Variants in RIPK2 observed in about 807,000 individuals in gnomAD.
RIPK2 encodes receptor interacting serine/threonine kinase 2, also known as receptor-interacting serine/threonine-protein kinase 2.
A neutral mutation model predicts 60.9 loss-of-function variants in RIPK2; 38 were observed. The ratio of observed to expected loss-of-function variants is 0.62; its 90% CI spans 0.48 to 0.82. The LOEUF is 0.82. RIPK2 is among the 40% of genes least tolerant of loss of function. RIPK2 has a pLI of 0.00. For synonymous variants in RIPK2, 225 were observed against 223.4 expected, an observed-to-expected ratio of 1.01 and a Z score of -0.06; for missense variants, 518 against 647.0, an observed-to-expected ratio of 0.80 and a Z score of 2.16.
At chr8:89,780,869 C>T (rs1809486959) in intron 7 of RIPK2, 1 of 151,358 alleles carries the variant, frequency 6.6e-6, no homozygotes, top group African/African-American at 2.4e-5. Flanking sequence ...ATATGAATTA[C>T]CTAGGAGAGT....
rs200964555 is a variant in RIPK2, at chr8:89,765,381, G to A, written c.368G>A (p.Arg123His). 12 of 1,608,680 alleles carry A rather than the reference G, an allele frequency of 7.5e-6. No individual in the cohort carries two copies. The African/African-American group carries it at 8.0e-5, about 11-fold the overall frequency. ...YPDVAWPLRFRILHEIALGVN... is the reference protein window; with the variant it reads ...YPDVAWPLRFHILHEIALGVN... ...GATGTTGCTTGGCCATTGAGATTTC[G>A]CATCCTGCATGAAATTGCCCTTGGT... Residue 123 changes from arginine to histidine, a missense_variant, in exon 3 of 11, where the codon CGC (arginine) becomes CAC (histidine). Physicochemically the swap from Arg to His is conservative, Grantham distance 29 (BLOSUM62 0). Around this residue, in one of 3 missense-constraint regions of RIPK2, gnomAD observed 448 missense variants for 534.7 expected, o/e 0.84. Transcript: ENST00000220751.
Position 89,786,598 on chromosome 8 carries a change from A to G in RIPK2, c.1035A>G (p.Ser345=). The G allele has an allele frequency of 6.4e-7, 1 of 1,551,978 alleles. No individual in the cohort carries two copies. Among genetic ancestry groups the G allele is most frequent in the Non-Finnish European group, 8.9e-7 (1 of 1,129,576 alleles). The change falls in exon 9 of 11, where the codon TCA becomes TCG. Residue 345 remains serine, a synonymous_variant. Coordinates refer to ENST00000220751, the MANE Select transcript of RIPK2 (RefSeq NM_003821.6). ...TTATTTTTTATTTACTTTAGGAATC[A>G]TGTGGATCCTCTCAGCTCCATGAAA... ...IPVNHGPQEE[S]CGSSQLHENS...
At chr8:89,763,941 T>C (rs1432537260) in intron 2 of RIPK2, among the ~76,000 whole-genome samples, 1 of 152,072 alleles carries the variant, frequency 6.6e-6, no homozygotes, top group Non-Finnish European at 1.5e-5. Context: ...TAAGTAGAAA[T>C]CTAACATTTT....
chr8:89,780,027 T>C (rs768713997), intron 6 of RIPK2, 48 bp from the exon 7 acceptor site: 1 of 908,512 alleles, frequency 1.1e-6, no homozygotes, highest in South Asian at 1.6e-5. Flanking sequence ...TTCACTTTAA[T>C]ACTTAGAAGC....
chr8:89,780,395 G>T, intron 7 of RIPK2: 2 of 256,922 alleles, frequency 7.8e-6, no homozygotes, highest in Non-Finnish European at 1.5e-5. Context: ...TCCAGGACCA[G>T]GCGTGGTGAC....
At chr8:89,789,755 G>T (rs1055747322) in intron 10 of RIPK2, among the ~76,000 whole-genome samples, 2 of 152,052 alleles carry the variant, frequency 1.3e-5, no homozygotes, top group African/African-American at 4.8e-5. Context: ...AAATTTGCAG[G>T]TATCTTTTAT....
At chr8:89,786,295 G>A (rs558216968) in intron 8 of RIPK2, among the ~76,000 whole-genome samples, 14 of 152,084 alleles carry the variant, frequency 9.2e-5, no homozygotes, top group African/African-American at 2.9e-4. Flanking sequence ...GCAACGTAGC[G>A]AAACCCCATT....
intron 2 of RIPK2, among the ~76,000 whole-genome samples, chr8:89,764,967 C>G (rs1204656837): frequency 6.6e-6 from 1 of 151,926 alleles, no homozygotes; most frequent in African/African-American, 2.4e-5. Context: ...TGTGTGTACT[C>G]AAATTACCTG....
At chr8:89,783,907 TTA>T in intron 7 of RIPK2, 141 bp from the exon 8 acceptor site, 1 of 471,594 alleles carries the variant, frequency 2.1e-6, no homozygotes, top group Non-Finnish European at 3.7e-6. Flanking sequence ...TTTCCTTCAG[TTA>T]TATGTTATAT....
In RIPK2 at chr8:89,757,901, C is replaced by T. The variant is rs1809070490; in HGVS notation, c.-160C>T. 3 of 1,383,124 alleles carry T rather than the reference C, an allele frequency of 2.2e-6. No homozygotes were observed. Among genetic ancestry groups the T allele is most frequent in the East Asian group, 2.9e-5 (1 of 34,766 alleles). The allele number at this position is 1,383,124 out of a possible 1,614,324, so 85.7% of individuals were successfully genotyped here. On this transcript the variant is annotated 5_prime_UTR_variant, in exon 1 of 11. Transcript: ENST00000220751. ...GAAGCAGCGGCTGGCGTGGGCCATCCGGGGAATGGGCGCCCTCGTGACCTA... is the reference window on the plus strand; with the variant it reads ...GAAGCAGCGGCTGGCGTGGGCCATCTGGGGAATGGGCGCCCTCGTGACCTA...
At chr8:89,771,022 A>T (rs748410716) in intron 4 of RIPK2, among the ~76,000 whole-genome samples, 1 of 151,886 alleles carries the variant, frequency 6.6e-6, no homozygotes. Flanking sequence ...GTTTGATTCT[A>T]TAAAAATGGG....
intron 1 of RIPK2, among the ~76,000 whole-genome samples, chr8:89,761,376 A>AT (rs79648986): frequency 0.065 from 9,208 of 142,664 alleles, 470 homozygotes; most frequent in East Asian, 0.26. Flanking sequence ...ATTCCTTTTC[A>AT]TTTTTTTTTT....
chr8:89,770,149 A>G (rs1036861677), intron 4 of RIPK2, among the ~76,000 whole-genome samples: 1 of 151,908 alleles, frequency 6.6e-6, no homozygotes, highest in Non-Finnish European at 1.5e-5. Flanking sequence ...ATTTTAAAGC[A>G]TCTCTTCTTA....
In RIPK2 at chr8:89,790,100, C is replaced by A; in HGVS notation, c.1307C>A (p.Ala436Asp). 6.2e-7 allele frequency: 1 copy of A among 1,613,696 alleles called. No individual in the cohort carries two copies. Among genetic ancestry groups the A allele is most frequent in the Non-Finnish European group, 8.5e-7 (1 of 1,179,780 alleles). The stretch of plus-strand genomic sequence containing the variant: ...TCAGAACGTCTGCAGCCTGGTATAG[C>A]CCAGCAGTGGATCCAGAGCAAAAGG... ...GNSERLQPGI[A>D]QQWIQSKRED... The change falls in exon 11 of 11, where the codon GCC (alanine) becomes GAC (aspartate). Residue 436 changes from alanine to aspartate, a missense_variant. Physicochemically the swap from Ala to Asp is moderately radical, Grantham distance 126. Transcript: ENST00000220751.
chr8:89,786,683 T>C lies in RIPK2; in HGVS notation c.1120T>C (p.Ser374Pro). The stretch of plus-strand genomic sequence containing the variant: ...AGCTCCTCAAGACAATGATTTTTTA[T>C]CTAGTATGTAGATTTTCCAATCATT... ...LPAPQDNDFL[S>P]RKAQDCYFMK... Residue 374 changes from serine to proline, a missense_variant, in exon 9 of 11, where the codon TCT becomes CCT. Around this residue, in one of 3 missense-constraint regions of RIPK2, gnomAD observed 448 missense variants for 534.7 expected, o/e 0.84. Transcript: ENST00000220751. The C allele has an allele frequency of 6.6e-7, 1 of 1,521,910 alleles. No homozygotes were observed. The highest frequency in any genetic ancestry group is 9.0e-7 in the Non-Finnish European group (1 of 1,108,304). 94.3% of individuals were successfully genotyped at this position (1,521,910 alleles called of 1,614,324 possible).
intron 9 of RIPK2, among the ~76,000 whole-genome samples, chr8:89,787,706 T>C (rs1809609233): frequency 6.6e-6 from 1 of 152,148 alleles, no homozygotes; most frequent in African/African-American, 2.4e-5. Flanking sequence ...TTTACTTGAG[T>C]AGGAAGCAAC....
In RIPK2 at chr8:89,790,191, G is replaced by A; in HGVS notation, c.1398G>A (p.Arg466=). 6.2e-7 allele frequency: 1 copy of A among 1,613,974 alleles called. No individual in the cohort carries two copies. Among genetic ancestry groups the A allele is most frequent in the Non-Finnish European group, 8.5e-7 (1 of 1,179,946 alleles). The part of the protein sequence containing the change: ...LNQSLDALLS[R]DLIMKEDYEL... ...AGTCGCTAGATGCCCTTCTGTCCAG[G>A]GACTTGATCATGAAAGAGGACTATG... is the stretch of plus-strand genomic sequence containing the variant. The change falls in exon 11 of 11, where the codon AGG becomes AGA. Residue 466 remains arginine, a synonymous_variant. Transcript: ENST00000220751.
chr8:89,766,509 A>AGGGGTTTT (rs1418041696), intron 3 of RIPK2, among the ~76,000 whole-genome samples: 63 of 151,904 alleles, frequency 4.1e-4, no homozygotes, highest in Admixed American at 1.3e-3. Context: ...TGGTTTTCTT[A>AGGGGTTTT]CTGTTGAGTT....
chr8:89,768,391 G>T (rs923280556), intron 3 of RIPK2, among the ~76,000 whole-genome samples: 6 of 151,594 alleles, frequency 4.0e-5, no homozygotes, highest in Non-Finnish European at 8.9e-5. Context: ...CTAATTTTTT[G>T]TATCTTTAAG....
Sources: gnomAD v4.1 joint callset for allele counts (sites outside exome capture counted in the v4.1 genomes callset) on GRCh38, gnomAD v4.1.1 for gene constraint, gnomAD v4.1.1 regional missense constraint, MANE v1.5 for transcripts, NCBI Gene and HGNC (gene_info 2026-07-23, HGNC 2026-07-21) for gene names.